C7: variants seen among roughly 807,000 people sequenced by gnomAD.
C7 encodes the protein complement component C7.
A neutral mutation model predicts 104.8 loss-of-function variants in C7; 83 were observed. The observed-to-expected ratio is 0.79, with a 90% CI of 0.66 to 0.95. The LOEUF is 0.95. Ranked by LOEUF, C7 falls within the 40% of genes least tolerant of loss-of-function variation. C7 has a pLI of 0.00. For synonymous variants in C7, 415 were observed against 360.6 expected (o/e 1.15, Z -1.71); for missense variants, 1,070 against 1,011.2 (o/e 1.06, Z -0.79).
intron 1 of C7, among the ~76,000 whole-genome samples, chr5:40,918,677 T>A (rs1739376064): frequency 7.5e-6 from 1 of 133,462 alleles, no homozygotes; most frequent in South Asian, 2.2e-4. Context: ...AGACTTAAAG[T>A]CAAAAACTGT....
intron 10 of C7, 60 bp from the exon 11 acceptor site, chr5:40,957,973 A>G (rs1283183428): frequency 2.4e-6 from 3 of 1,267,786 alleles, no homozygotes; most frequent in African/African-American, 3.0e-5. Context: ...CTAAACATGA[A>G]AAGCAAAATA....
At chr5:40,960,545 GGGA>G (rs1740400800) in intron 12 of C7, among the ~76,000 whole-genome samples, 1 of 152,052 alleles carries the variant, frequency 6.6e-6, no homozygotes, top group Admixed American at 6.6e-5. Context: ...ATGAGGGTCT[GGGA>G]GGAGATCTCT....
intron 14 of C7, among the ~76,000 whole-genome samples, chr5:40,970,987 G>T (rs1192411290): frequency 6.6e-6 from 1 of 152,120 alleles, no homozygotes; most frequent in Non-Finnish European, 1.5e-5. Flanking sequence ...GTCTATCATT[G>T]ATGGGCATTT....
chr5:40,924,411 G>A (rs1739508115), intron 1 of C7, among the ~76,000 whole-genome samples: 2 of 152,208 alleles, frequency 1.3e-5, no homozygotes, highest in Admixed American at 1.3e-4. Context: ...GCTCTCATGG[G>A]TTGGAGTTGA....
chr5:40,916,346 C>T (rs1193765617), intron 1 of C7, among the ~76,000 whole-genome samples: 1 of 152,150 alleles, frequency 6.6e-6, no homozygotes, highest in Non-Finnish European at 1.5e-5. Context: ...TTTTAAACAT[C>T]AAACGGACCA....
At chr5:40,935,340 G>T (rs1315538373) in intron 4 of C7, among the ~76,000 whole-genome samples, 1 of 152,100 alleles carries the variant, frequency 6.6e-6, no homozygotes, top group East Asian at 1.9e-4. Context: ...TTTCTTACAT[G>T]TTGACTTCTG....
At chr5:40,967,913 T>C (rs1487197117) in intron 14 of C7, 1 of 152,290 alleles carries the variant, frequency 6.6e-6, no homozygotes, top group Non-Finnish European at 1.5e-5. Flanking sequence ...TTCTTTATAT[T>C]TTTCTGGGCT....
intron 13 of C7, among the ~76,000 whole-genome samples, chr5:40,963,298 G>C (rs182976171): frequency 6.6e-6 from 1 of 152,172 alleles, no homozygotes; most frequent in East Asian, 1.9e-4. Context: ...TGGGAGTACA[G>C]CCTAAGAGTC....
Position 40,981,578 on chromosome 5 carries a change from C to T in C7, c.*5C>T. ...TGTGCTGCGGAAACCCAGTAGGCTC[C>T]TGGAGGCCCTGGTCAGCTTGCTTGG... On this transcript the variant is annotated 3_prime_UTR_variant, in exon 18 of 18. Transcript: ENST00000313164. 6.2e-7 allele frequency: 1 copy of T among 1,600,630 alleles called. No individual in the cohort carries two copies. Among genetic ancestry groups the T allele is most frequent in the Non-Finnish European group, 8.5e-7 (1 of 1,170,512 alleles).
At chr5:40,957,681 C>T (rs1378281449) in intron 10 of C7, among the ~76,000 whole-genome samples, 1 of 151,948 alleles carries the variant, frequency 6.6e-6, no homozygotes, top group Non-Finnish European at 1.5e-5. Context: ...TCTTGAACTC[C>T]TGACCTCAGG....
At chr5:40,914,806 T>C (rs1028676665) in intron 1 of C7, among the ~76,000 whole-genome samples, 2 of 152,186 alleles carry the variant, frequency 1.3e-5, no homozygotes, top group African/African-American at 4.8e-5. Context: ...TGCTACCCTA[T>C]GCACATTTGA....
intron 1 of C7, chr5:40,911,215 A>G (rs1045694255): frequency 2.6e-5 from 4 of 152,210 alleles, no homozygotes; most frequent in African/African-American, 7.2e-5. Context: ...AACCTGAAGG[A>G]CATGCTTTGG....
chr5:40,948,493 C>T (rs1740097707), intron 8 of C7, among the ~76,000 whole-genome samples: 1 of 152,170 alleles, frequency 6.6e-6, no homozygotes, highest in Admixed American at 6.6e-5. Context: ...AAGGCTGGGT[C>T]TAACTGGCCT....
rs1274319912 is a variant in C7, at chr5:40,981,809, T to C, written c.*236T>C. 1.3e-5 allele frequency: 5 copies of C among 383,176 alleles called. No homozygotes were observed. In the East Asian group the frequency reaches 2.0e-4, roughly 16 times the overall value. The allele number at this position is 383,176 out of a possible 1,614,324, so 23.7% of individuals were successfully genotyped here. On this transcript the variant is annotated 3_prime_UTR_variant, in exon 18 of 18. Coordinates refer to ENST00000313164, the MANE Select transcript of C7 (RefSeq NM_000587.4). ...GATATGAGCCTTTGCACAGGCTGGC[T>C]GCGTGTTCTTGAAATAGGTGTTACC... is the stretch of plus-strand genomic sequence containing the variant.
chr5:40,920,005 GAAAT>G (rs1739406392), intron 1 of C7, among the ~76,000 whole-genome samples: 1 of 151,880 alleles, frequency 6.6e-6, no homozygotes, highest in African/African-American at 2.4e-5. Context: ...AGAAATAAAT[GAAAT>G]AGAGACTAGA....
chr5:40,964,020 C>CTTTTTT (rs869250524), intron 13 of C7, among the ~76,000 whole-genome samples: 566 of 39,878 alleles, frequency 0.014, 105 homozygotes, highest in Middle Eastern at 0.059. Context: ...GCTCATAATA[C>CTTTTTT]TTTTTTTTTT....
chr5:40,964,551 T>A (rs1047782113), intron 13 of C7, 190 bp from the exon 14 acceptor site: 2 of 506,648 alleles, frequency 3.9e-6, no homozygotes, highest in African/African-American at 3.9e-5. Flanking sequence ...TTAATAGTTT[T>A]ATTTCAATTA....
At chr5:40,938,025 G>C (rs1739853397) in intron 6 of C7, among the ~76,000 whole-genome samples, 1 of 152,100 alleles carries the variant, frequency 6.6e-6, no homozygotes, top group Admixed American at 6.6e-5. Flanking sequence ...TCCTGACACT[G>C]CTACAGTGTC....
At chr5:40,964,947 C>T (rs1740512560) in intron 14 of C7, 74 bp downstream of exon 14, 2 of 1,527,424 alleles carry the variant, frequency 1.3e-6, no homozygotes, top group Non-Finnish European at 1.8e-6. Flanking sequence ...ATAAATAACA[C>T]TCACCATATG....
Sources: gnomAD v4.1 joint callset for allele counts (sites outside exome capture counted in the v4.1 genomes callset) on GRCh38, gnomAD v4.1.1 for gene constraint, MANE v1.5 for transcripts, NCBI Gene and HGNC (gene_info 2026-07-23, HGNC 2026-07-21) for gene names.